Variants in PEBP4 observed in about 807,000 individuals in gnomAD.
The protein encoded by PEBP4 is phosphatidylethanolamine-binding protein 4.
PEBP4 carries 22 observed loss-of-function variants against 23.9 expected under a neutral mutation model. The observed-to-expected ratio is 0.92, with a 90% confidence interval of 0.66 to 1.31. The LOEUF (loss-of-function observed/expected upper bound fraction) is 1.31, where lower values mean the gene tolerates loss of function less well. Ranked by LOEUF, PEBP4 falls within the 40% of genes most tolerant of loss-of-function variation. The probability of loss-of-function intolerance (pLI) is 0.00; values close to 1 mark genes in which losing one functional copy is unlikely to be tolerated. For synonymous variants in PEBP4, 112 were observed against 99.3 expected (o/e 1.13, Z -0.76); for missense variants, 324 against 281.7 (o/e 1.15, Z -1.07).
At chr8:22,768,616 C>T (rs780434486) in intron 4 of PEBP4, among the ~76,000 whole-genome samples, 9 of 150,884 alleles carry the variant, frequency 6.0e-5, no homozygotes, top group South Asian at 2.1e-4. Flanking sequence ...GACGCAGCCT[C>T]GGGTGGGGCC....
intron 3 of PEBP4, among the ~76,000 whole-genome samples, chr8:22,859,480 C>T (rs1187963313): frequency 6.6e-6 from 1 of 152,156 alleles, no homozygotes; most frequent in East Asian, 1.9e-4. Context: ...GTGCAGTGGG[C>T]TGTCTCTGGC....
chr8:22,872,119 A>G (rs1044605570), intron 3 of PEBP4, among the ~76,000 whole-genome samples: 2 of 152,000 alleles, frequency 1.3e-5, no homozygotes, highest in African/African-American at 4.8e-5. Flanking sequence ...ATTCCTTTTC[A>G]TGGCTGGGTA....
At chr8:22,888,580 A>T (rs1457542192) in intron 3 of PEBP4, among the ~76,000 whole-genome samples, 2 of 152,222 alleles carry the variant, frequency 1.3e-5, no homozygotes, top group Non-Finnish European at 2.9e-5. Flanking sequence ...GGGCTGGGCC[A>T]CACCAGTTTG....
rs140678021 is a variant in PEBP4 at position 22,848,755 on chromosome 8, T to C, written c.259-31020A>G. Among the ~76,000 whole-genome samples, 75 of 152,254 alleles carry C rather than the reference T, an allele frequency of 4.9e-4. 1 individual carries two copies. Among genetic ancestry groups the C allele is most frequent in the African/African-American group, 1.7e-3 (69 of 41,532 alleles). On this transcript the variant is annotated intron_variant, in intron 3 of 6. Coordinates refer to ENST00000256404, the MANE Select transcript of PEBP4 (RefSeq NM_144962.3). ...AGAAATTTCCTTTCTTCTGCTGTGTTTTCAGGGAAGAGACGATGATGAGTG... is the reference window on the plus strand; with the variant it reads ...AGAAATTTCCTTTCTTCTGCTGTGTCTTCAGGGAAGAGACGATGATGAGTG...
At chr8:22,776,568 G>T (rs907630873) in intron 4 of PEBP4, among the ~76,000 whole-genome samples, 3 of 151,674 alleles carry the variant, frequency 2.0e-5, no homozygotes, top group East Asian at 3.9e-4. Flanking sequence ...CTCCTCCCAC[G>T]GGTTTCTCCA....
At chr8:22,777,458 G>A (rs1805835623) in intron 4 of PEBP4, among the ~76,000 whole-genome samples, 1 of 152,122 alleles carries the variant, frequency 6.6e-6, no homozygotes, top group Admixed American at 6.5e-5. Flanking sequence ...TGGGGAGGGG[G>A]GAACGCAGCC....
intron 6 of PEBP4, among the ~76,000 whole-genome samples, chr8:22,714,869 A>T (rs1259125397): frequency 6.6e-6 from 1 of 152,228 alleles, no homozygotes; most frequent in Non-Finnish European, 1.5e-5. Flanking sequence ...AGGAGAGGAT[A>T]ATTTTTAATC....
At position 22,832,980 on chromosome 8, in the gene PEBP4, G is replaced by A. The variant is rs369513618; in HGVS notation, c.259-15245C>T. ...AACAAGGGGCAGCCCCCGTGCCCCA[G>A]AGCCCACCAGAATTATTCAGATCAG... On this transcript the variant is annotated intron_variant, in intron 3 of 6. Transcript: ENST00000256404. 3.9e-5 allele frequency among the ~76,000 whole-genome samples: 6 copies of A among 152,010 alleles called. 1 individual carries two copies. Among genetic ancestry groups the A allele is most frequent in the African/African-American group, 1.2e-4 (5 of 41,494 alleles).
At chr8:22,908,826 C>T (rs569456015) in intron 3 of PEBP4, among the ~76,000 whole-genome samples, 74 of 152,320 alleles carry the variant, frequency 4.9e-4, no homozygotes, top group South Asian at 3.5e-3. Context: ...GTGAGAGGCA[C>T]GCTCAGTGCT....
At chr8:22,922,371 T>G (rs549537529) in intron 2 of PEBP4, among the ~76,000 whole-genome samples, 1 of 150,650 alleles carries the variant, frequency 6.6e-6, no homozygotes, top group East Asian at 2.0e-4. Context: ...CGAGACGACC[T>G]GGACAAACCT....
At chr8:22,906,484 C>T (rs1346520715) in intron 3 of PEBP4, among the ~76,000 whole-genome samples, 1 of 152,186 alleles carries the variant, frequency 6.6e-6, no homozygotes, top group African/African-American at 2.4e-5. Context: ...TCTCCCTCTC[C>T]TCTTTCTCTC....
At chr8:22,915,434 T>C (rs934410999) in intron 3 of PEBP4, among the ~76,000 whole-genome samples, 32 of 129,780 alleles carry the variant, frequency 2.5e-4, no homozygotes, top group African/African-American at 9.3e-4. Flanking sequence ...CTCACCATCC[T>C]GGCTCCCATC....
In PEBP4 at chr8:22,775,774, G is replaced by A. The variant is rs1004871407; in HGVS notation, c.357+41863C>T. ...GCTCGAGGAGACAGACAGAGGAAGC[G>A]AGAGAGAGGTTGGGGAGGCGGGTTC... On this transcript the variant is annotated intron_variant, in intron 4 of 6. Coordinates refer to ENST00000256404, the MANE Select transcript of PEBP4 (RefSeq NM_144962.3). This position sits in a 1 kb window ranked among gnomAD's most constrained non-coding sequence, Gnocchi z 4.8. Among the ~76,000 whole-genome samples the A allele has an allele frequency of 2.0e-5, 3 of 152,094 alleles. No homozygotes were observed. Among genetic ancestry groups the A allele is most frequent in the South Asian group, 2.1e-4 (1 of 4,820 alleles).
intron 4 of PEBP4, among the ~76,000 whole-genome samples, chr8:22,779,374 G>A (rs1351341267): frequency 4.6e-5 from 7 of 152,038 alleles, no homozygotes; most frequent in African/African-American, 1.7e-4. Context: ...CTTCTCAAAG[G>A]TCACCAGGCT....
intron 4 of PEBP4, among the ~76,000 whole-genome samples, chr8:22,808,470 A>C (rs1806549018): frequency 6.6e-6 from 1 of 152,238 alleles, no homozygotes. Context: ...AAGAAGACAC[A>C]TTTCTGCTCT....
intron 3 of PEBP4, chr8:22,897,881 T>C (rs1808620982): frequency 6.6e-6 from 1 of 152,072 alleles, no homozygotes; most frequent in Non-Finnish European, 1.5e-5. Flanking sequence ...TTGGAGGTGA[T>C]TAGGTCATAA....
intron 3 of PEBP4, among the ~76,000 whole-genome samples, chr8:22,829,699 C>T (rs1158897437): frequency 1.3e-5 from 2 of 152,102 alleles, no homozygotes; most frequent in Admixed American, 1.3e-4. Flanking sequence ...TTCCATTCTC[C>T]TTTTCCTCCT....
At chr8:22,809,098 G>T (rs1806562327) in intron 4 of PEBP4, among the ~76,000 whole-genome samples, 2 of 152,182 alleles carry the variant, frequency 1.3e-5, no homozygotes, top group Non-Finnish European at 2.9e-5. Flanking sequence ...GAGGATTGAG[G>T]GTGGTAAAGG....
rs1805460985 is a variant in PEBP4 at position 22,759,519 on chromosome 8, G to T, written c.358-32299C>A. Among the ~76,000 whole-genome samples the T allele has an allele frequency of 2.0e-5, 3 of 152,080 alleles. No individual in the cohort carries two copies. In the South Asian group the frequency reaches 6.2e-4, roughly 32 times the overall value. The stretch of plus-strand genomic sequence containing the variant: ...GCCTCTGCCACCATGAGGGGTAGAG[G>T]TGCCCGCTCCGTCTCAGGGCTGCGG... On this transcript the variant is annotated intron_variant, in intron 4 of 6. Transcript: ENST00000256404.
Sources: gnomAD v4.1 joint callset for allele counts (sites outside exome capture counted in the v4.1 genomes callset) on GRCh38, gnomAD v4.1.1 for gene constraint, Gnocchi (gnomAD v3.1) non-coding constraint, MANE v1.5 for transcripts, NCBI Gene and HGNC (gene_info 2026-07-23, HGNC 2026-07-21) for gene names.